Variants in KDM4B observed in about 807,000 individuals in gnomAD.
KDM4B encodes lysine-specific demethylase 4B.
Under a neutral mutation model 125.2 loss-of-function variants are expected in KDM4B, and 32 were observed. The observed-to-expected ratio is 0.26, with a 90% CI of 0.19 to 0.34. KDM4B has a LOEUF of 0.34. Among genes scored for constraint, KDM4B ranks in the 10% least tolerant of loss-of-function variants. The probability of loss-of-function intolerance (pLI) is 1.00; values close to 1 mark genes in which losing one functional copy is unlikely to be tolerated. For synonymous variants in KDM4B, 721 were observed against 677.9 expected, an observed-to-expected ratio of 1.06 and a Z score of -0.99; for missense variants, 1,190 against 1,577.7, an observed-to-expected ratio of 0.75 and a Z score of 4.16.
At chr19:5,119,088 GA>G in intron 10 of KDM4B, 3 of 1,416,078 alleles carry the variant, frequency 2.1e-6, no homozygotes, top group Non-Finnish European at 2.9e-6. Flanking sequence ...AGAAGTCCTA[GA>G]GAAAAAACCC....
intron 7 of KDM4B, among the ~76,000 whole-genome samples, chr19:5,072,406 G>A (rs1396982025): frequency 1.3e-5 from 2 of 152,108 alleles, no homozygotes; most frequent in South Asian, 4.1e-4. Flanking sequence ...CTGGACTGAG[G>A]GCTTTGCTCT....
At chr19:5,019,878 GTGT>G (rs1371926448) in intron 2 of KDM4B, among the ~76,000 whole-genome samples, 3 of 145,612 alleles carry the variant, frequency 2.1e-5, no homozygotes, top group Non-Finnish European at 3.0e-5. Context: ...GGGTGTGCAG[GTGT>G]TGGTGTGCAG....
In KDM4B at chr19:5,062,778, T is replaced by TG. The variant is rs202142825; in HGVS notation, c.627-8232_627-8231insG. On this transcript the variant is annotated intron_variant, in intron 6 of 22. Transcript: ENST00000159111. ...AAACTTATGTTATAATTAAACTGTT[T>TG]TTTTTTTTTTTTTTTTTTTAGAGAT... Among the ~76,000 whole-genome samples, 671 of 129,764 alleles carry TG rather than the reference T, an allele frequency of 5.2e-3. 19 individuals carry two copies. The highest frequency in any genetic ancestry group is 0.027 in the Admixed American group (379 of 13,814). 85.1% of individuals were successfully genotyped at this position (129,764 alleles called of 152,430 possible).
rs148603837 is a variant in KDM4B at position 5,137,972 on chromosome 19, G to A, written c.2452G>A (p.Val818Met). The change falls in exon 18 of 23, where the codon GTG (valine) becomes ATG (methionine). Residue 818 changes from valine to methionine, a missense_variant. By Grantham distance (21) the Val-to-Met change is conservative. Around this residue, in one of 7 missense-constraint regions of KDM4B, gnomAD observed 298 missense variants for 439.7 expected, o/e 0.68. Coordinates refer to ENST00000159111, the MANE Select transcript of KDM4B (RefSeq NM_015015.3). Reference sequence around the variant, plus strand: ...CACCTGCCCTCCCAGGTGGATCCACGTGATCTGTGCCATCGCAGTCCCCGA... The same window carrying A: ...CACCTGCCCTCCCAGGTGGATCCACATGATCTGTGCCATCGCAGTCCCCGA... The part of the protein sequence containing the change: ...QMTTDRRWIH[V>M]ICAIAVPEAR... 6.2e-6 allele frequency: 10 copies of A among 1,612,068 alleles called. No homozygotes were observed. Among genetic ancestry groups the A allele is most frequent in the Middle Eastern group, 1.6e-4 (1 of 6,082 alleles).
intron 4 of KDM4B, 80 bp downstream of exon 4, chr19:5,040,091 G>A (rs1452590420): frequency 1.7e-5 from 25 of 1,436,378 alleles, no homozygotes; most frequent in South Asian, 4.0e-5. Context: ...GGCAGAGAAG[G>A]TGCGGTACAC....
intron 9 of KDM4B, among the ~76,000 whole-genome samples, chr19:5,096,935 C>T (rs1599177901): frequency 6.6e-6 from 1 of 152,188 alleles, no homozygotes; most frequent in Non-Finnish European, 1.5e-5. Flanking sequence ...TGATTGTAAA[C>T]ATCCCATGCT....
At position 5,082,285 on chromosome 19, in the gene KDM4B, C is replaced by A; in HGVS notation, c.781-82C>A. ...TTGGCTCATAAGCCAGGCTCCCTGG[C>A]ACTTGCTGGGAAGTGCCCACGTCCC... On this transcript the variant is annotated intron_variant, in intron 8 of 22. Transcript: ENST00000159111. The surrounding 1 kb of genome is among the most constrained non-coding windows in gnomAD (Gnocchi z 5.4). The A allele has an allele frequency of 6.4e-7, 1 of 1,555,150 alleles. No homozygotes were observed. Among genetic ancestry groups the A allele is most frequent in the Admixed American group, 1.8e-5 (1 of 56,366 alleles).
chr19:5,110,566 G>A, intron 9 of KDM4B, 56 bp from the exon 10 acceptor site: 2 of 1,583,652 alleles, frequency 1.3e-6, no homozygotes, highest in Non-Finnish European at 1.7e-6. Context: ...GGTGGGGTGT[G>A]TGGAGCCAGC....
At chr19:5,123,546 G>A (rs1407874375) in intron 11 of KDM4B, among the ~76,000 whole-genome samples, 6 of 152,244 alleles carry the variant, frequency 3.9e-5, no homozygotes, top group African/African-American at 1.4e-4. Context: ...CAGGTCCGGG[G>A]GCTAGGACTG....
chr19:4,981,092 G>A (rs541695003), intron 1 of KDM4B, among the ~76,000 whole-genome samples: 28 of 152,166 alleles, frequency 1.8e-4, no homozygotes, highest in Middle Eastern at 3.4e-3. Context: ...TCCGCGCCAC[G>A]GGCCTCTTCT....
At chr19:5,040,210 C>T (rs1245257137) in intron 4 of KDM4B, among the ~76,000 whole-genome samples, 199 bp downstream of exon 4, 1 of 152,140 alleles carries the variant, frequency 6.6e-6, no homozygotes, top group Non-Finnish European at 1.5e-5. Context: ...TGACCCACAC[C>T]GCCCTCATCT....
intron 1 of KDM4B, among the ~76,000 whole-genome samples, chr19:4,973,825 A>G (rs1461616319): frequency 1.4e-5 from 1 of 72,004 alleles, no homozygotes; most frequent in South Asian, 3.8e-4. Context: ...AAAGCATATT[A>G]AAAAAAAAAA....
chr19:5,020,771 C>T (rs568645252), intron 2 of KDM4B, among the ~76,000 whole-genome samples: 15 of 152,316 alleles, frequency 9.8e-5, no homozygotes, highest in African/African-American at 3.6e-4. Context: ...GTAACTTTTC[C>T]TGACCTGTAA....
intron 11 of KDM4B, among the ~76,000 whole-genome samples, chr19:5,123,251 G>A (rs573805464): frequency 1.7e-4 from 26 of 152,216 alleles, no homozygotes; most frequent in Non-Finnish European, 3.4e-4. Context: ...CAGATGGGGC[G>A]GCTGAAATGG....
intron 2 of KDM4B, among the ~76,000 whole-genome samples, chr19:5,029,471 G>A (rs545030578): frequency 2.0e-5 from 3 of 152,354 alleles, no homozygotes; most frequent in East Asian, 1.9e-4. Context: ...GTTATGGCGC[G>A]TGGGGATTGT....
Position 5,137,612 on chromosome 19 carries a change from T to C in KDM4B, c.2386-9T>C. On this transcript the variant is annotated splice_polypyrimidine_tract_variant and intron_variant, in intron 16 of 22. Coordinates refer to ENST00000159111, the MANE Select transcript of KDM4B (RefSeq NM_015015.3). The stretch of plus-strand genomic sequence containing the variant: ...GCCCTGCTCATCCAGGGCTGTCTGG[T>C]CTCCACAGGAGTGCTGCCTGTGCAA... The C allele has an allele frequency of 6.2e-7, 1 of 1,603,642 alleles. No homozygotes were observed. Among genetic ancestry groups the C allele is most frequent in the South Asian group, 1.1e-5 (1 of 89,992 alleles).
Position 5,144,263 on chromosome 19 carries a change from G to C in KDM4B, c.2752G>C (p.Ala918Pro), listed in dbSNP as rs1329852567. The C allele has an allele frequency of 6.3e-7, 1 of 1,598,650 alleles. No homozygotes were observed. The highest frequency in any genetic ancestry group is 8.5e-7 in the Non-Finnish European group (1 of 1,173,410). Reference protein sequence around the residue: ...SGGHAVQLLRAVSLGQVVITK... With the variant: ...SGGHAVQLLRPVSLGQVVITK... ...ACCCTCCCAGGTCCAACTCCTGAGG[G>C]CCGTGTCCCTAGGCCAGGTGGTCAT... Residue 918 changes from alanine to proline, a missense_variant, in exon 20 of 23, where the codon GCC (alanine) becomes CCC (proline). Coordinates refer to ENST00000159111, the MANE Select transcript of KDM4B (RefSeq NM_015015.3).
chr19:5,055,052 G>A (rs2037353086), intron 6 of KDM4B, among the ~76,000 whole-genome samples: 2 of 152,256 alleles, frequency 1.3e-5, no homozygotes, highest in South Asian at 4.1e-4. Flanking sequence ...CCTGGCGTGT[G>A]GGGCACAGGT....
At chr19:5,096,365 G>A (rs1055766481) in intron 9 of KDM4B, among the ~76,000 whole-genome samples, 2 of 152,156 alleles carry the variant, frequency 1.3e-5, no homozygotes, top group South Asian at 4.1e-4. Context: ...GATTACAAGC[G>A]TGAGCCACCG....
Sources: allele counts gnomAD v4.1 joint callset (sites outside exome capture counted in the v4.1 genomes callset), GRCh38; gene constraint gnomAD v4.1.1; regional missense constraint gnomAD v4.1.1; non-coding constraint Gnocchi (gnomAD v3.1); transcripts MANE v1.5; gene names NCBI Gene and HGNC (gene_info 2026-07-23, HGNC 2026-07-21).